Variants in RBFOX1 observed in about 807,000 individuals in gnomAD.
The protein encoded by RBFOX1 is RNA binding fox-1 homolog 1.
A neutral mutation model predicts 57.7 loss-of-function variants in RBFOX1; 8 were observed. The observed-to-expected ratio is 0.14, with a 90% CI of 0.08 to 0.25. RBFOX1 has a LOEUF of 0.25. RBFOX1 is among the 10% of genes least tolerant of loss of function. The pLI is 1.00. For missense variants in RBFOX1, 611 were observed against 548.5 expected (o/e 1.11, Z -1.14); for synonymous variants, 326 against 222.4 (o/e 1.47, Z -4.15).
chr16:7,495,487 T>A (rs946627813), intron 4 of RBFOX1, among the ~76,000 whole-genome samples: 19 of 152,190 alleles, frequency 1.2e-4, no homozygotes, highest in African/African-American at 4.6e-4. Context: ...ATCTATTGTT[T>A]TTTGACTTTT....
chr16:6,209,690 GATCTTCAGAA>G (rs2152845991), intron 1 of RBFOX1, among the ~76,000 whole-genome samples: 1 of 152,310 alleles, frequency 6.6e-6, no homozygotes, highest in Admixed American at 6.5e-5. Context: ...CAGACTGTCT[GATCTTCAGAA>G]AGGGAGGGGC....
intron 1 of RBFOX1, among the ~76,000 whole-genome samples, chr16:6,061,030 C>T (rs1017744784): frequency 1.4e-4 from 22 of 152,174 alleles, no homozygotes; most frequent in Admixed American, 5.9e-4. Context: ...GTTGGTCCAG[C>T]CCTGCCCACC....
chr16:5,786,679 C>T (rs1409556973), intron 3 of RBFOX1, among the ~76,000 whole-genome samples: 1 of 152,140 alleles, frequency 6.6e-6, no homozygotes, highest in Admixed American at 6.5e-5. Context: ...GGACATCATC[C>T]CTGACAGTGC....
At chr16:6,297,685 A>G (rs1393220720) in intron 1 of RBFOX1, among the ~76,000 whole-genome samples, 2 of 151,954 alleles carry the variant, frequency 1.3e-5, no homozygotes, top group Admixed American at 6.6e-5. Flanking sequence ...CCTATCCTAT[A>G]CCCATATAAA....
intron 4 of RBFOX1, among the ~76,000 whole-genome samples, chr16:7,245,897 G>T (rs1378299000): frequency 2.6e-5 from 4 of 152,060 alleles, no homozygotes; most frequent in African/African-American, 9.7e-5. Flanking sequence ...CTTGCAAATA[G>T]ATATTCAATT....
At chr16:5,394,961 A>T (rs1439442792) in intron 1 of RBFOX1, among the ~76,000 whole-genome samples, 2 of 152,124 alleles carry the variant, frequency 1.3e-5, no homozygotes, top group African/African-American at 4.8e-5. Flanking sequence ...CCTGAAGCTT[A>T]ATCTGATGGT....
intron 2 of RBFOX1, among the ~76,000 whole-genome samples, chr16:5,588,011 G>T (rs1018960464): frequency 6.6e-6 from 1 of 152,164 alleles, no homozygotes; most frequent in East Asian, 1.9e-4. Context: ...CTATGCAATA[G>T]AATATTTTCA....
At chr16:5,276,772 AAAC>A (rs1338813196) in intron 1 of RBFOX1, among the ~76,000 whole-genome samples, 8 of 152,210 alleles carry the variant, frequency 5.3e-5, no homozygotes, top group African/African-American at 1.7e-4. Flanking sequence ...CTTCATCTCA[AAAC>A]AACAACAACA....
chr16:6,391,399 A>G (rs970790195), intron 2 of RBFOX1, among the ~76,000 whole-genome samples: 4 of 151,922 alleles, frequency 2.6e-5, no homozygotes, highest in African/African-American at 9.7e-5. Context: ...AGTCCCAGCT[A>G]CTGGGGAGGC....
At chr16:6,278,703 A>G (rs777077315) in intron 1 of RBFOX1, among the ~76,000 whole-genome samples, 1 of 152,192 alleles carries the variant, frequency 6.6e-6, no homozygotes, top group Non-Finnish European at 1.5e-5. Flanking sequence ...TATTTAAAGT[A>G]TAAATAAATC....
chr16:5,717,828 A>C (rs1376386127), intron 3 of RBFOX1, among the ~76,000 whole-genome samples: 1 of 152,190 alleles, frequency 6.6e-6, no homozygotes, highest in African/African-American at 2.4e-5. Flanking sequence ...CCTCACAACC[A>C]CTATGTCAGA....
chr16:7,305,382 C>G (rs577568065), intron 4 of RBFOX1, among the ~76,000 whole-genome samples: 1 of 152,202 alleles, frequency 6.6e-6, no homozygotes. Flanking sequence ...CAGGCCAGCT[C>G]TCTGTCATTG....
At chr16:7,174,694 C>T (rs939251147) in intron 4 of RBFOX1, among the ~76,000 whole-genome samples, 1 of 152,148 alleles carries the variant, frequency 6.6e-6, no homozygotes, top group Admixed American at 6.5e-5. Context: ...GCAGGAGAAT[C>T]ACTTGAACGC....
At chr16:6,739,866 G>T (rs920229304) in intron 3 of RBFOX1, among the ~76,000 whole-genome samples, 1 of 152,106 alleles carries the variant, frequency 6.6e-6, no homozygotes, top group Non-Finnish European at 1.5e-5. Flanking sequence ...GACAGAGCAA[G>T]ACTCTGTCTT....
intron 1 of RBFOX1, among the ~76,000 whole-genome samples, chr16:5,254,010 C>T (rs1283255976): frequency 6.6e-6 from 1 of 152,182 alleles, no homozygotes; most frequent in African/African-American, 2.4e-5. Flanking sequence ...GTACAGCTTC[C>T]TACTTCTGTG....
chr16:6,086,836 G>C lies in RBFOX1; in HGVS notation c.-127+66844G>C, dbSNP rs147849154. Among the ~76,000 whole-genome samples the C allele has an allele frequency of 1.7e-3, 263 of 152,324 alleles. 1 individual carries two copies. The highest frequency in any genetic ancestry group is 6.8e-3 in the Middle Eastern group (2 of 294). ...CCTCTTCCCTAAGCACCATTCAGTT[G>C]AATGTAACATGAAAGAGACAATGCA... On this transcript the variant is annotated intron_variant, in intron 1 of 15. Coordinates refer to ENST00000550418, the MANE Select transcript of RBFOX1 (RefSeq NM_018723.4).
At chr16:5,763,791 T>C (rs1035410297) in intron 3 of RBFOX1, among the ~76,000 whole-genome samples, 3 of 152,218 alleles carry the variant, frequency 2.0e-5, no homozygotes, top group African/African-American at 4.8e-5. Flanking sequence ...TCCTTTCTCA[T>C]TGAAGCCTTT....
Position 7,624,812 on chromosome 16 carries a change from T to C in RBFOX1, c.677-5791T>C, listed in dbSNP as rs116451389. On this transcript the variant is annotated intron_variant, in intron 10 of 15. Coordinates refer to ENST00000550418, the MANE Select transcript of RBFOX1 (RefSeq NM_018723.4). ...TGTGTGACTCTGCACCACCACACAG[T>C]AGAGGTTTGTTGAGGTGATACGGTT... Among the ~76,000 whole-genome samples, 309 of 152,226 alleles carry C rather than the reference T, an allele frequency of 2.0e-3. 1 individual carries two copies. The highest frequency in any genetic ancestry group is 7.4e-3 in the African/African-American group (306 of 41,534).
At chr16:6,120,145 G>A (rs890705966) in intron 1 of RBFOX1, among the ~76,000 whole-genome samples, 3 of 152,150 alleles carry the variant, frequency 2.0e-5, no homozygotes, top group Admixed American at 1.3e-4. Context: ...GCTGAATAAC[G>A]TTCCACTGTA....
Sources: allele counts gnomAD v4.1 joint callset (sites outside exome capture counted in the v4.1 genomes callset), GRCh38; gene constraint gnomAD v4.1.1; transcripts MANE v1.5; gene names NCBI Gene and HGNC (gene_info 2026-07-23, HGNC 2026-07-21).